The following RPS6KC1 variants were observed in gnomAD, a reference collection of about 807,000 sequenced individuals.
RPS6KC1 encodes ribosomal protein S6 kinase C1, also known as inactive ribosomal protein S6 kinase delta-1.
A neutral mutation model predicts 103.8 loss-of-function variants in RPS6KC1; 54 were observed. The observed-to-expected ratio is 0.52, with a 90% confidence interval of 0.42 to 0.65. RPS6KC1 has a LOEUF of 0.65. Ranked by LOEUF, RPS6KC1 falls within the 30% of genes least tolerant of loss-of-function variation. The pLI is 0.00. For missense variants in RPS6KC1, 1,151 were observed against 1,253.8 expected, an observed-to-expected ratio of 0.92 and a Z score of 1.24; for synonymous variants, 439 against 438.7, an observed-to-expected ratio of 1.00 and a Z score of -0.01.
chr1:213,184,530 C>T (rs562019323), intron 8 of RPS6KC1, among the ~76,000 whole-genome samples: 1 of 149,418 alleles, frequency 6.7e-6, no homozygotes, highest in East Asian at 2.0e-4. Flanking sequence ...TTATTTTCTT[C>T]TACAAATTTG....
chr1:213,114,119 G>T (rs563725853), intron 4 of RPS6KC1, among the ~76,000 whole-genome samples: 2 of 151,976 alleles, frequency 1.3e-5, no homozygotes, highest in East Asian at 1.9e-4. Flanking sequence ...AGCTTGGTGG[G>T]GATGGCATTG....
the RPS6KC1 span, among the ~76,000 whole-genome samples, chr1:213,283,958 T>A: frequency 6.6e-6 from 1 of 150,766 alleles, no homozygotes. Flanking sequence ...CAGAAAAGAA[T>A]CAACATTAAG....
chr1:213,371,185 C>T, the RPS6KC1 span, among the ~76,000 whole-genome samples: 130 of 152,158 alleles, frequency 8.5e-4, 1 homozygote, highest in East Asian at 0.023. Flanking sequence ...AGGTACCTCC[C>T]GTAGAGTAGG....
the RPS6KC1 span, among the ~76,000 whole-genome samples, chr1:213,321,861 T>A: frequency 6.6e-6 from 1 of 152,086 alleles, no homozygotes; most frequent in African/African-American, 2.4e-5. Flanking sequence ...CTAAGGAAGC[T>A]AGCTGTGGGA....
the RPS6KC1 span, among the ~76,000 whole-genome samples, chr1:213,621,791 A>C: frequency 6.6e-6 from 1 of 152,110 alleles, no homozygotes; most frequent in Admixed American, 6.5e-5. Context: ...GGCCCTTCTG[A>C]ACACAAGCCC....
the RPS6KC1 span, among the ~76,000 whole-genome samples, chr1:213,514,779 A>G: frequency 4.6e-5 from 7 of 152,130 alleles, no homozygotes; most frequent in Non-Finnish European, 7.4e-5. Context: ...GGTATTTGTA[A>G]TTCTAGATCC....
At chr1:213,558,913 G>A in the RPS6KC1 span, among the ~76,000 whole-genome samples, 2 of 152,182 alleles carry the variant, frequency 1.3e-5, no homozygotes, top group South Asian at 4.1e-4. Context: ...CAATGCAATA[G>A]CTCCAGAGCC....
the RPS6KC1 span, among the ~76,000 whole-genome samples, chr1:213,559,379 T>A: frequency 6.6e-6 from 1 of 152,298 alleles, no homozygotes; most frequent in South Asian, 2.1e-4. Flanking sequence ...TGTGTTAGTA[T>A]CTTATTATAT....
At chr1:213,440,801 T>C in the RPS6KC1 span, among the ~76,000 whole-genome samples, 1 of 152,078 alleles carries the variant, frequency 6.6e-6, no homozygotes, top group Non-Finnish European at 1.5e-5. Flanking sequence ...TTTACCTAGA[T>C]CTTACTACAG....
At chr1:213,096,735 C>A (rs2081494220) in intron 3 of RPS6KC1, among the ~76,000 whole-genome samples, 1 of 151,882 alleles carries the variant, frequency 6.6e-6, no homozygotes, top group South Asian at 2.1e-4. Context: ...GGTGGTGAAT[C>A]CTTTCCAGAA....
the RPS6KC1 span, among the ~76,000 whole-genome samples, chr1:213,773,346 A>T: frequency 6.6e-6 from 1 of 151,716 alleles, no homozygotes; most frequent in Non-Finnish European, 1.5e-5. Flanking sequence ...TCTCAGGAAG[A>T]TGGAGTGGAT....
At chr1:213,670,969 G>C in the RPS6KC1 span, among the ~76,000 whole-genome samples, 40,156 of 152,068 alleles carry the variant, frequency 0.26, 5,939 homozygotes, top group East Asian at 0.44. Flanking sequence ...TCCATCCTGA[G>C]CTTCAGTCAG....
At chr1:213,449,460 C>T in the RPS6KC1 span, among the ~76,000 whole-genome samples, 9 of 152,232 alleles carry the variant, frequency 5.9e-5, no homozygotes, top group Non-Finnish European at 8.8e-5. Flanking sequence ...TGTCCTCATG[C>T]GGCCTTCCTT....
the RPS6KC1 span, among the ~76,000 whole-genome samples, chr1:213,345,802 G>T: frequency 6.6e-6 from 1 of 152,166 alleles, no homozygotes; most frequent in Non-Finnish European, 1.5e-5. Flanking sequence ...TTGACACTCT[G>T]CTCCTTGGCC....
the RPS6KC1 span, among the ~76,000 whole-genome samples, chr1:213,428,486 CT>C: frequency 3.4e-5 from 2 of 58,700 alleles, no homozygotes; most frequent in Non-Finnish European, 6.2e-5. Flanking sequence ...CCCTCCCTTC[CT>C]TCCTTCCTTC....
the RPS6KC1 span, among the ~76,000 whole-genome samples, chr1:213,425,179 C>T: frequency 6.6e-6 from 1 of 152,088 alleles, no homozygotes; most frequent in African/African-American, 2.4e-5. Flanking sequence ...TAGAGAGGAA[C>T]AAATGGTTGA....
chr1:213,334,798 G>C, the RPS6KC1 span, among the ~76,000 whole-genome samples: 1 of 152,028 alleles, frequency 6.6e-6, no homozygotes, highest in Non-Finnish European at 1.5e-5. Context: ...ATCCATCATA[G>C]CTATAGACAT....
chr1:213,651,045 C>A, the RPS6KC1 span, among the ~76,000 whole-genome samples: 7 of 151,812 alleles, frequency 4.6e-5, no homozygotes, highest in African/African-American at 1.7e-4. Flanking sequence ...GAATCGCCCT[C>A]CTAGGGAGTG....
chr1:213,248,929 G>T (rs541015412), intron 12 of RPS6KC1, among the ~76,000 whole-genome samples: 1 of 152,292 alleles, frequency 6.6e-6, no homozygotes, highest in Admixed American at 6.5e-5. Flanking sequence ...GAAAAACAAT[G>T]TCTCTGTACA....
Sources: gnomAD v4.1 joint callset for allele counts (sites outside exome capture counted in the v4.1 genomes callset) on GRCh38, gnomAD v4.1.1 for gene constraint, MANE v1.5 for transcripts, NCBI Gene and HGNC (gene_info 2026-07-23, HGNC 2026-07-21) for gene names.